Variants in DENND3 observed in about 807,000 individuals in gnomAD.
The protein encoded by DENND3 is DENN domain containing 3.
Under a neutral mutation model 135.1 loss-of-function variants are expected in DENND3, and 88 were observed. The observed-to-expected ratio is 0.65, with a 90% CI of 0.55 to 0.78. The LOEUF is 0.78. Among genes scored for constraint, DENND3 ranks in the 30% least tolerant of loss-of-function variants. The probability of loss-of-function intolerance (pLI) is 0.00; values close to 1 mark genes in which losing one functional copy is unlikely to be tolerated. For synonymous variants in DENND3, 693 were observed against 712.3 expected (o/e 0.97, Z 0.43); for missense variants, 1,392 against 1,688.4 (o/e 0.82, Z 3.08).
rs1456880576 is a variant in DENND3 at position 141,139,677 on chromosome 8, T to C, written c.502-1526T>C. ...TAACACTTACCAGGAGCAATGCGCA[T>C]GTTGTTTTCGTTATCATTAAATATA... On this transcript the variant is annotated intron_variant, in intron 3 of 22. Coordinates refer to ENST00000519811, the MANE Select transcript of DENND3 (RefSeq NM_001352890.3). The surrounding 1 kb of genome is among the most constrained non-coding windows in gnomAD (Gnocchi z 4.2). Among the ~76,000 whole-genome samples the C allele has an allele frequency of 6.6e-6, 1 of 152,168 alleles. No homozygotes were observed. The highest frequency in any genetic ancestry group is 1.5e-5 in the Non-Finnish European group (1 of 68,026).
intron 17 of DENND3, among the ~76,000 whole-genome samples, chr8:141,181,722 G>A (rs912397699): frequency 2.6e-5 from 4 of 152,324 alleles, no homozygotes; most frequent in African/African-American, 9.6e-5. Context: ...GGTTTACAGT[G>A]TGGAAAACAA....
Position 141,130,162 on chromosome 8 carries a change from T to C in DENND3, c.102+1353T>C, listed in dbSNP as rs1815815455. 6.6e-6 allele frequency among the ~76,000 whole-genome samples: 1 copy of C among 152,218 alleles called. No individual in the cohort carries two copies. The highest frequency in any genetic ancestry group is 2.4e-5 in the African/African-American group (1 of 41,456). ...GGTGTTAGTTGCTTGGTGTGACACA[T>C]GTCTTTTGAGGGCAGGGCGAATCAA... On this transcript the variant is annotated intron_variant, in intron 1 of 22. Coordinates refer to ENST00000519811, the MANE Select transcript of DENND3 (RefSeq NM_001352890.3). This position sits in a 1 kb window ranked among gnomAD's most constrained non-coding sequence, Gnocchi z 4.2.
Position 141,137,872 on chromosome 8 carries a change from T to G in DENND3, c.386-150T>G. 1 of 686,818 alleles carries G rather than the reference T, an allele frequency of 1.5e-6. No homozygotes were observed. Among genetic ancestry groups the G allele is most frequent in the South Asian group, 2.0e-5 (1 of 49,702 alleles). 42.5% of individuals were successfully genotyped at this position (686,818 alleles called of 1,614,324 possible). On this transcript the variant is annotated intron_variant, in intron 2 of 22. Coordinates refer to ENST00000519811, the MANE Select transcript of DENND3 (RefSeq NM_001352890.3). This position sits in a 1 kb window ranked among gnomAD's most constrained non-coding sequence, Gnocchi z 4.1. ...CAGGGAGGATAGACGGCCGGAGGCGTGATCGGAAGAATGAACCCGCCTTGG... is the reference window on the plus strand; with the variant it reads ...CAGGGAGGATAGACGGCCGGAGGCGGGATCGGAAGAATGAACCCGCCTTGG...
intron 8 of DENND3, among the ~76,000 whole-genome samples, chr8:141,158,697 C>T (rs1022989166): frequency 1.5e-4 from 23 of 152,184 alleles, no homozygotes; most frequent in Non-Finnish European, 2.6e-4. Context: ...CTGGGAGGGA[C>T]GGGGCAGCCC....
rs772754917 is a variant in DENND3, at chr8:141,158,268, A to G, written c.1196+2298A>G. On this transcript the variant is annotated intron_variant, in intron 8 of 22. Transcript: ENST00000519811. ...TTTGAAGGAGACACGTGCTTTCCCA[A>G]TCATCTCAGTTACTTTCTGGTAAGC... 4.8e-5 allele frequency: 62 copies of G among 1,288,340 alleles called. No individual in the cohort carries two copies. The African/African-American group carries it at 6.8e-4, about 14-fold the overall frequency. The allele number at this position is 1,288,340 out of a possible 1,614,324, so 79.8% of individuals were successfully genotyped here.
At chr8:141,176,293 AAAAAAAAC>A (rs1569556489) in intron 14 of DENND3, 12 of 240,420 alleles carry the variant, frequency 5.0e-5, no homozygotes, top group African/African-American at 2.4e-4. Flanking sequence ...AAAACAAAAA[AAAAAAAAC>A]AAAAAGAGGG....
In DENND3 at chr8:141,190,350, C is replaced by T. The variant is rs972041641; in HGVS notation, c.3312C>T (p.Thr1104=). 1 of 1,613,320 alleles carries T rather than the reference C, an allele frequency of 6.2e-7. No individual in the cohort carries two copies. Among genetic ancestry groups the T allele is most frequent in the African/African-American group, 1.3e-5 (1 of 75,032 alleles). The change falls in exon 20 of 23, where the codon ACC becomes ACT. Residue 1104 remains threonine, a synonymous_variant. Transcript: ENST00000519811. ...LVWNVSTLQV[T]SRFQLPRGGL... ...GGAATGTGAGCACACTGCAGGTGACCAGCCGCTTCCAGCTGCCGCGAGGTG... is the reference window on the plus strand; with the variant it reads ...GGAATGTGAGCACACTGCAGGTGACTAGCCGCTTCCAGCTGCCGCGAGGTG...
chr8:141,193,982 T>C lies in DENND3; in HGVS notation c.3637-51T>C, dbSNP rs781252612. On this transcript the variant is annotated intron_variant, in intron 22 of 22. Transcript: ENST00000519811. Reference sequence around the variant, plus strand: ...GGGTAGCCGGGCAAAGCCCTGGTGCTCTTGGGAGGGGCTTCTTTCCCTGCT... The same window carrying C: ...GGGTAGCCGGGCAAAGCCCTGGTGCCCTTGGGAGGGGCTTCTTTCCCTGCT... 1.3e-5 allele frequency: 20 copies of C among 1,584,268 alleles called. No individual in the cohort carries two copies. In the Admixed American group the frequency reaches 3.5e-4, roughly 28 times the overall value.
Position 141,151,688 on chromosome 8 carries a change from G to A in DENND3, c.925G>A (p.Val309Ile). Residue 309 changes from valine (V) to isoleucine (I), a missense_variant, in exon 7 of 23, where the codon GTC becomes ATC. Transcript: ENST00000519811. The part of the protein sequence containing the change: ...FSSDWALLTL[V>I]TECFMAYLYP... Reference sequence around the variant, plus strand: ...CTCGGACTGGGCTCTGCTGACGCTGGTCACTGAGTGCTTCATGGCCTACCT... The same window carrying A: ...CTCGGACTGGGCTCTGCTGACGCTGATCACTGAGTGCTTCATGGCCTACCT... 6 of 1,614,096 alleles carry A rather than the reference G, an allele frequency of 3.7e-6. No individual in the cohort carries two copies. The highest frequency in any genetic ancestry group is 5.1e-6 in the Non-Finnish European group (6 of 1,180,032).
intron 19 of DENND3, among the ~76,000 whole-genome samples, chr8:141,189,447 G>C (rs1407357104): frequency 1.3e-5 from 2 of 152,232 alleles, no homozygotes; most frequent in Non-Finnish European, 1.5e-5. Context: ...GCCTCCCAGA[G>C]GTGCACCAGC....
At chr8:141,188,878 G>A (rs896604942) in intron 18 of DENND3, 108 bp from the exon 19 acceptor site, 4 of 1,423,096 alleles carry the variant, frequency 2.8e-6, no homozygotes, top group Non-Finnish European at 2.8e-6. Context: ...TCCCCTAGGA[G>A]CAGTGGTTCC....
At chr8:141,189,201 G>A (rs1824347471) in intron 19 of DENND3, 55 bp downstream of exon 19, 72 of 1,611,272 alleles carry the variant, frequency 4.5e-5, no homozygotes, top group Non-Finnish European at 6.1e-5. Context: ...GTGGGCAGAA[G>A]GCACAGCGGG....
At chr8:141,180,619 G>A (rs1001775148) in intron 16 of DENND3, 128 bp from the exon 17 acceptor site, 58 of 867,320 alleles carry the variant, frequency 6.7e-5, no homozygotes, top group East Asian at 1.1e-4. Context: ...AGAGACCTTC[G>A]TCTTCACAAA....
At chr8:141,177,341 G>A (rs559206004) in intron 15 of DENND3, 5 of 152,970 alleles carry the variant, frequency 3.3e-5, no homozygotes, top group African/African-American at 9.6e-5. Context: ...CGCTGCTCAA[G>A]GGTGGCACAA....
chr8:141,179,312 G>A (rs1432262722), intron 16 of DENND3, among the ~76,000 whole-genome samples: 1 of 152,138 alleles, frequency 6.6e-6, no homozygotes, highest in Non-Finnish European at 1.5e-5. Context: ...CTTTTTCCTT[G>A]GGAGCAAAAT....
intron 18 of DENND3, among the ~76,000 whole-genome samples, chr8:141,188,124 T>G (rs983686304): frequency 7.1e-6 from 1 of 140,638 alleles, no homozygotes; most frequent in African/African-American, 2.7e-5. Flanking sequence ...TACTCGGGGG[T>G]CTGAAGCGGG....
rs1295534978 is a variant in DENND3, at chr8:141,136,769, C to T, written c.363C>T (p.Thr121=). ...VAVPGGVDLL[T]LPQLCFPGGV... Reference sequence around the variant, plus strand: ...TCCCGGGCGGCGTGGACCTCCTCACCCTGCCGCAGCTGTGCTTCCCAGGTA... The same window carrying T: ...TCCCGGGCGGCGTGGACCTCCTCACTCTGCCGCAGCTGTGCTTCCCAGGTA... Residue 121 remains threonine, a synonymous_variant, in exon 2 of 23, where the codon ACC becomes ACT. Coordinates refer to ENST00000519811, the MANE Select transcript of DENND3 (RefSeq NM_001352890.3). The T allele has an allele frequency of 1.3e-6, 2 of 1,583,106 alleles. No individual in the cohort carries two copies. The highest frequency in any genetic ancestry group is 8.6e-7 in the Non-Finnish European group (1 of 1,165,724).
chr8:141,190,628 C>A, intron 20 of DENND3: 1 of 664,888 alleles, frequency 1.5e-6, no homozygotes, highest in Non-Finnish European at 2.3e-6. Flanking sequence ...GCCTTTCTAC[C>A]CAGCGGCTGA....
At position 141,175,180 on chromosome 8, in the gene DENND3, T is replaced by A. The variant is rs1822169003; in HGVS notation, c.2276-20T>A. 1 of 1,605,076 alleles carries A rather than the reference T, an allele frequency of 6.2e-7. No homozygotes were observed. Among genetic ancestry groups the A allele is most frequent in the South Asian group, 1.1e-5 (1 of 90,392 alleles). On this transcript the variant is annotated intron_variant, in intron 13 of 22. Transcript: ENST00000519811. The surrounding 1 kb of genome is among the most constrained non-coding windows in gnomAD (Gnocchi z 5.4). ...GTATGTGGCTGTAAGATACCTCTCT[T>A]TTCTTCTTATCAAACTAAGGACAGG...
Sources: gnomAD v4.1 joint callset for allele counts (sites outside exome capture counted in the v4.1 genomes callset) on GRCh38, gnomAD v4.1.1 for gene constraint, Gnocchi (gnomAD v3.1) non-coding constraint, MANE v1.5 for transcripts, NCBI Gene and HGNC (gene_info 2026-07-23, HGNC 2026-07-21) for gene names.